Variants in PPP4C observed in about 807,000 individuals in gnomAD.
PPP4C encodes the protein serine/threonine-protein phosphatase 4 catalytic subunit.
PPP4C carries 10 observed loss-of-function variants against 40.5 expected under a neutral mutation model. The observed-to-expected ratio is 0.25, with a 90% CI of 0.15 to 0.42. The LOEUF is 0.42. Among genes scored for constraint, PPP4C ranks in the 10% least tolerant of loss-of-function variants. The pLI is 1.00. For synonymous variants in PPP4C, 187 were observed against 163.6 expected (o/e 1.14, Z -1.09); for missense variants, 191 against 416.4 (o/e 0.46, Z 4.71).
intron 4 of PPP4C, 30 bp from the exon 5 acceptor site, chr16:30,082,716 G>A (rs778787230): frequency 6.2e-6 from 10 of 1,600,722 alleles, no homozygotes; most frequent in East Asian, 4.5e-5. Context: ...GACTGTTTAC[G>A]ACAGGGCAAA....
At chr16:30,084,882 G>T in intron 8 of PPP4C, 27 bp downstream of exon 8, 1 of 1,613,822 alleles carries the variant, frequency 6.2e-7, no homozygotes, top group Non-Finnish European at 8.5e-7. Context: ...GGGCTGGGAT[G>T]GGCGGGCATC....
chr16:30,084,193 G>T (rs1387842828), intron 7 of PPP4C, among the ~76,000 whole-genome samples: 1 of 151,872 alleles, frequency 6.6e-6, no homozygotes, highest in East Asian at 1.9e-4. Flanking sequence ...CTCTGCTCCA[G>T]CGCAGACACA....
Position 30,076,325 on chromosome 16 carries a change from T to C in PPP4C, c.-53T>C. On this transcript the variant is annotated 5_prime_UTR_variant, in exon 2 of 9. Coordinates refer to ENST00000279387, the MANE Select transcript of PPP4C (RefSeq NM_002720.3). ...CTTGGCCTTTCCCAGGAGACCCCTG[T>C]GCGGTGCGGAGGGGGCGGCGGCCCC... is the stretch of plus-strand genomic sequence containing the variant. The C allele has an allele frequency of 6.4e-7, 1 of 1,568,756 alleles. No homozygotes were observed. Among genetic ancestry groups the C allele is most frequent in the Non-Finnish European group, 8.7e-7 (1 of 1,145,228 alleles).
intron 3 of PPP4C, among the ~76,000 whole-genome samples, chr16:30,082,137 C>T (rs1377872660): frequency 6.6e-6 from 1 of 151,918 alleles, no homozygotes; most frequent in African/African-American, 2.4e-5. Flanking sequence ...TTGGCCAGGG[C>T]AGAAGGACTC....
chr16:30,081,331 C>G, intron 3 of PPP4C, 21 bp downstream of exon 3: 1 of 1,597,324 alleles, frequency 6.3e-7, no homozygotes, highest in Non-Finnish European at 8.6e-7. Flanking sequence ...GCTGTCCCTG[C>G]AGAGCCAGGC....
At chr16:30,076,135 G>C in intron 1 of PPP4C, 41 bp downstream of exon 1, 1 of 565,530 alleles carries the variant, frequency 1.8e-6, no homozygotes. Flanking sequence ...TCCTTAGCGC[G>C]GGACCGCGGG....
chr16:30,083,615 A>G lies in PPP4C; in HGVS notation c.478-40A>G. The stretch of plus-strand genomic sequence containing the variant: ...GGGACAGGGAGAGGAGGGGGGCTTC[A>G]GGCCTCAGCCCCGTCCTCTTTCCCT... On this transcript the variant is annotated intron_variant, in intron 6 of 8. Coordinates refer to ENST00000279387, the MANE Select transcript of PPP4C (RefSeq NM_002720.3). This position sits in a 1 kb window ranked among gnomAD's most constrained non-coding sequence, Gnocchi z 6.3. The G allele has an allele frequency of 6.2e-7, 1 of 1,613,840 alleles. No individual in the cohort carries two copies. Among genetic ancestry groups the G allele is most frequent in the Non-Finnish European group, 8.5e-7 (1 of 1,179,790 alleles).
intron 3 of PPP4C, among the ~76,000 whole-genome samples, chr16:30,082,050 G>A (rs1180150391): frequency 2.1e-5 from 3 of 139,772 alleles, no homozygotes; most frequent in South Asian, 2.5e-4. Context: ...GTGAGACTCC[G>A]TCTAAAAAAA....
In PPP4C at chr16:30,083,397, C is replaced by T. The variant is rs754724417; in HGVS notation, c.307C>T (p.Arg103Cys). ...CTGGCTTGGTGGCCACCCCCAGGTTCGCTATCCTGATCGCATCACACTGAT... is the reference window on the plus strand; with the variant it reads ...CTGGCTTGGTGGCCACCCCCAGGTTTGCTATCCTGATCGCATCACACTGAT... ...TFLLLLALKV[R>C]YPDRITLIRG... Residue 103 changes from arginine (R) to cysteine (C), a missense_variant, in exon 6 of 9, where the codon CGC (arginine) becomes TGC (cysteine). Physicochemically the swap from Arg to Cys is radical, Grantham distance 180 (BLOSUM62 -3). Transcript: ENST00000279387. The surrounding 1 kb of genome is among the most constrained non-coding windows in gnomAD (Gnocchi z 6.3). 4 of 1,610,386 alleles carry T rather than the reference C, an allele frequency of 2.5e-6. No individual in the cohort carries two copies. The highest frequency in any genetic ancestry group is 2.2e-5 in the South Asian group (2 of 91,030).
intron 5 of PPP4C, 108 bp downstream of exon 5, chr16:30,082,955 G>A: frequency 1.0e-6 from 1 of 957,596 alleles, no homozygotes; most frequent in Non-Finnish European, 1.6e-6. Context: ...CCTTGGAGCT[G>A]TGTCACTGGT....
At chr16:30,079,426 G>T (rs1259045528) in intron 2 of PPP4C, among the ~76,000 whole-genome samples, 31 of 152,150 alleles carry the variant, frequency 2.0e-4, no homozygotes, top group Admixed American at 2.0e-3. Context: ...TTGACCTCAT[G>T]ATCTGCCTGC....
intron 2 of PPP4C, among the ~76,000 whole-genome samples, chr16:30,078,195 G>A (rs1282793827): frequency 2.0e-5 from 3 of 152,190 alleles, no homozygotes; most frequent in Non-Finnish European, 2.9e-5. Context: ...GCAGGAAGTC[G>A]TATATTCAGT....
intron 2 of PPP4C, 66 bp from the exon 3 acceptor site, chr16:30,081,192 CA>C (rs755031171): frequency 7.5e-6 from 12 of 1,608,788 alleles, no homozygotes; most frequent in Non-Finnish European, 8.5e-6. Flanking sequence ...CCCCTCCCCC[CA>C]AAAAAGGTCA....
chr16:30,082,823 G>T lies in PPP4C; in HGVS notation c.279G>T (p.Thr93=). 1 of 1,614,088 alleles carries T rather than the reference G, an allele frequency of 6.2e-7. No individual in the cohort carries two copies. The highest frequency in any genetic ancestry group is 8.5e-7 in the Non-Finnish European group (1 of 1,180,008). ...ACCGTGGCTTCTATAGCGTCGAAAC[G>T]TTCCTCCTGCTGCTGGCACTTAAGG... ...FVDRGFYSVE[T]FLLLLALKVR... is the part of the protein sequence containing the mutation. The change falls in exon 5 of 9, where the codon ACG becomes ACT. Residue 93 remains threonine (T), a synonymous_variant. Coordinates refer to ENST00000279387, the MANE Select transcript of PPP4C (RefSeq NM_002720.3).
intron 3 of PPP4C, among the ~76,000 whole-genome samples, chr16:30,081,926 A>G (rs1174376763): frequency 3.3e-5 from 5 of 149,272 alleles, no homozygotes; most frequent in African/African-American, 1.2e-4. Context: ...GTGGTGGTGG[A>G]CACCTGTAGT....
chr16:30,085,236 G>A lies in PPP4C; in HGVS notation c.*174G>A. 1 of 622,976 alleles carries A rather than the reference G, an allele frequency of 1.6e-6. No individual in the cohort carries two copies. Among genetic ancestry groups the A allele is most frequent in the Non-Finnish European group, 2.7e-6 (1 of 376,826 alleles). 38.6% of individuals were successfully genotyped at this position (622,976 alleles called of 1,614,324 possible). A position where few individuals can be genotyped will look rare whatever the true frequency, so the allele number is the denominator to read the frequency against. Reference sequence around the variant, plus strand: ...GAGAGGCCTGGAGACCTAGCTCCATGTTCCTCCTCCTCTCTCCCCACTTGA... The same window carrying A: ...GAGAGGCCTGGAGACCTAGCTCCATATTCCTCCTCCTCTCTCCCCACTTGA... On this transcript the variant is annotated 3_prime_UTR_variant, in exon 9 of 9. Transcript: ENST00000279387.
At position 30,083,564 on chromosome 16, in the gene PPP4C, C is replaced by T; in HGVS notation, c.474C>T (p.Gly158=). ...TCAGCCTGTCAGCCATCATCGATGG[C>T]AAGGTAAGCCAGCCCAGGGCTCCAT... ...DYLSLSAIID[G]KIFCVHGGLS... The change falls in exon 6 of 9, where the codon GGC becomes GGT. Residue 158 remains glycine, a synonymous_variant. Transcript: ENST00000279387. This position sits in a 1 kb window ranked among gnomAD's most constrained non-coding sequence, Gnocchi z 6.3. 1 of 1,614,110 alleles carries T rather than the reference C, an allele frequency of 6.2e-7. No homozygotes were observed. The highest frequency in any genetic ancestry group is 8.5e-7 in the Non-Finnish European group (1 of 1,179,974).
chr16:30,077,543 G>T (rs1043753379), intron 2 of PPP4C, among the ~76,000 whole-genome samples: 7 of 152,258 alleles, frequency 4.6e-5, no homozygotes, highest in African/African-American at 1.7e-4. Context: ...GATGCGTGGG[G>T]AACAGTCAGG....
intron 2 of PPP4C, 27 bp downstream of exon 2, chr16:30,076,502 A>T (rs749829162): frequency 6.3e-7 from 1 of 1,585,880 alleles, no homozygotes; most frequent in South Asian, 1.1e-5. Flanking sequence ...TGGGGAAGGG[A>T]GGCCAAGCCG....
Sources: allele counts gnomAD v4.1 joint callset (sites outside exome capture counted in the v4.1 genomes callset), GRCh38; gene constraint gnomAD v4.1.1; non-coding constraint Gnocchi (gnomAD v3.1); transcripts MANE v1.5; gene names NCBI Gene and HGNC (gene_info 2026-07-23, HGNC 2026-07-21).